RALA: variants seen among roughly 807,000 people sequenced by gnomAD.
RALA encodes the protein ras-related protein Ral-A.
A neutral mutation model predicts 24.0 loss-of-function variants in RALA; 5 were observed. That is an observed-to-expected ratio of 0.21 (90% confidence interval 0.11 to 0.44). The LOEUF (loss-of-function observed/expected upper bound fraction) is 0.44. Ranked by LOEUF, RALA falls within the 20% of genes least tolerant of loss-of-function variation. The pLI is 0.99. For missense variants in RALA, 95 were observed against 241.2 expected (o/e 0.39, Z 4.01); for synonymous variants, 77 against 83.8 (o/e 0.92, Z 0.44).
At chr7:39,636,430 A>T (rs1004985078) in intron 1 of RALA, among the ~76,000 whole-genome samples, 1 of 152,110 alleles carries the variant, frequency 6.6e-6, no homozygotes, top group Non-Finnish European at 1.5e-5. Flanking sequence ...GTCTTCCTTC[A>T]TCTGCTGGGA....
chr7:39,700,208 A>T (rs951647698), intron 4 of RALA: 1 of 152,224 alleles, frequency 6.6e-6, no homozygotes, highest in African/African-American at 2.4e-5. Flanking sequence ...TTTATGGGTA[A>T]AACAGTCATT....
At chr7:39,653,172 GGCA>G (rs1792046488) in intron 1 of RALA, among the ~76,000 whole-genome samples, 2 of 152,004 alleles carry the variant, frequency 1.3e-5, no homozygotes, top group Middle Eastern at 3.2e-3. Flanking sequence ...TGGGATTACA[GGCA>G]TGCGCCACCA....
chr7:39,689,189 A>G (rs868804483), intron 2 of RALA, among the ~76,000 whole-genome samples: 1 of 152,250 alleles, frequency 6.6e-6, no homozygotes, highest in Middle Eastern at 3.4e-3. Flanking sequence ...GGGTTTTGCC[A>G]TGTGTCCCAG....
intron 1 of RALA, among the ~76,000 whole-genome samples, chr7:39,648,879 C>CA (rs1791972953): frequency 6.6e-6 from 1 of 152,022 alleles, no homozygotes; most frequent in African/African-American, 2.4e-5. Flanking sequence ...GGCAATAAGT[C>CA]AAAATCCAGT....
intron 1 of RALA, among the ~76,000 whole-genome samples, chr7:39,651,203 C>T (rs1044568680): frequency 6.6e-6 from 1 of 152,162 alleles, no homozygotes; most frequent in African/African-American, 2.4e-5. Context: ...CAACTGTAAG[C>T]TAATATAAGT....
intron 1 of RALA, among the ~76,000 whole-genome samples, chr7:39,681,114 C>T (rs992892366): frequency 6.6e-6 from 1 of 152,072 alleles, no homozygotes; most frequent in African/African-American, 2.4e-5. Flanking sequence ...TCTTCTAGAT[C>T]ATTAATTTAT....
rs11452061 is a variant in RALA at position 39,674,819 on chromosome 7, C to CTTTT, written c.-37-11793_-37-11790dup. 2.3e-3 allele frequency among the ~76,000 whole-genome samples: 218 copies of CTTTT among 96,664 alleles called. 6 individuals are homozygous for CTTTT. The highest frequency in any genetic ancestry group is 5.4e-3 in the East Asian group (16 of 2,976). The allele number at this position is 96,664 out of a possible 152,430, so 63.4% of individuals were successfully genotyped here. On this transcript the variant is annotated intron_variant, in intron 1 of 4. Coordinates refer to ENST00000005257, the MANE Select transcript of RALA (RefSeq NM_005402.4). ...ATAGCAGCCTGAAGGTAATTTTATG[C>CTTTT]TTTTTTTTTTTTTTTTTTTTTTGAG...
chr7:39,663,240 G>A (rs1029452623), intron 1 of RALA, among the ~76,000 whole-genome samples: 1 of 152,188 alleles, frequency 6.6e-6, no homozygotes, highest in Non-Finnish European at 1.5e-5. Context: ...GTAAACCAAT[G>A]TAAAGATTCA....
chr7:39,628,458 C>T (rs1791534921), intron 1 of RALA, among the ~76,000 whole-genome samples: 1 of 152,072 alleles, frequency 6.6e-6, no homozygotes, highest in East Asian at 1.9e-4. Context: ...CTTTATCAGT[C>T]AAGTGCCCAA....
At chr7:39,683,919 A>T (rs1562621632) in intron 1 of RALA, among the ~76,000 whole-genome samples, 1 of 152,104 alleles carries the variant, frequency 6.6e-6, no homozygotes, top group Non-Finnish European at 1.5e-5. Flanking sequence ...AGCTCATGTG[A>T]TATGTACTGT....
intron 1 of RALA, among the ~76,000 whole-genome samples, chr7:39,628,092 C>G (rs1008204733): frequency 6.6e-6 from 1 of 151,624 alleles, no homozygotes; most frequent in Admixed American, 6.6e-5. Context: ...CCTCCATTTC[C>G]TCTTCCTGGA....
intron 1 of RALA, among the ~76,000 whole-genome samples, chr7:39,670,784 G>A (rs1792367498): frequency 1.3e-5 from 2 of 152,168 alleles, no homozygotes; most frequent in African/African-American, 2.4e-5. Context: ...TCAGGTCATA[G>A]TCTAGTAGCA....
chr7:39,656,642 G>T (rs1008799035), intron 1 of RALA, among the ~76,000 whole-genome samples: 1 of 152,186 alleles, frequency 6.6e-6, no homozygotes, highest in African/African-American at 2.4e-5. Context: ...AAACTGTTAG[G>T]TTATATTGTG....
chr7:39,704,181 A>C, intron 4 of RALA, among the ~76,000 whole-genome samples: 1 of 148,092 alleles, frequency 6.8e-6, no homozygotes, highest in Admixed American at 6.7e-5. Flanking sequence ...AAAAAAAAGA[A>C]GTTTAAGATT....
chr7:39,683,850 C>G (rs1317113394), intron 1 of RALA, among the ~76,000 whole-genome samples: 3 of 151,596 alleles, frequency 2.0e-5, no homozygotes, highest in African/African-American at 7.3e-5. Flanking sequence ...AACACACACA[C>G]ACACACACAC....
At chr7:39,699,136 T>G (rs969204085) in intron 4 of RALA, among the ~76,000 whole-genome samples, 8 of 123,818 alleles carry the variant, frequency 6.5e-5, no homozygotes, top group African/African-American at 2.5e-4. Context: ...TTTTTTTTTT[T>G]TTTTTTTTTT....
At chr7:39,693,022 G>A (rs771256057) in intron 3 of RALA, among the ~76,000 whole-genome samples, 7 of 152,154 alleles carry the variant, frequency 4.6e-5, no homozygotes, top group Non-Finnish European at 8.8e-5. Flanking sequence ...GATTCCTCAA[G>A]GATCTAGAAT....
intron 1 of RALA, among the ~76,000 whole-genome samples, chr7:39,637,644 C>G (rs1313855167): frequency 1.3e-5 from 2 of 152,202 alleles, no homozygotes. Flanking sequence ...GTGCTTCTTT[C>G]TAAATGCACA....
chr7:39,699,121 A>ATTTTTTTTTTTTTT lies in RALA; in HGVS notation c.498+2279_498+2292dup, dbSNP rs71560137. ...CAGCAATTTAAGTGCTAAAAATGTT[A>ATTTTTTTTTTTTTT]TTTTTTTTTTTTTTTTTTTTTTTTT... On this transcript the variant is annotated intron_variant, in intron 4 of 4. Transcript: ENST00000005257. Among the ~76,000 whole-genome samples the ATTTTTTTTTTTTTT allele has an allele frequency of 6.5e-5, 4 of 61,372 alleles. 1 individual carries two copies. Among genetic ancestry groups the ATTTTTTTTTTTTTT allele is most frequent in the Non-Finnish European group, 1.4e-4 (4 of 29,580 alleles). The allele number at this position is 61,372 out of a possible 152,430, so 40.3% of individuals were successfully genotyped here. A position where few individuals can be genotyped will look rare whatever the true frequency, so the allele number is the denominator to read the frequency against.
Sources: allele counts gnomAD v4.1 joint callset (sites outside exome capture counted in the v4.1 genomes callset), GRCh38; gene constraint gnomAD v4.1.1; transcripts MANE v1.5; gene names NCBI Gene and HGNC (gene_info 2026-07-23, HGNC 2026-07-21).